Variants in NECTIN3 observed in about 807,000 individuals in gnomAD.
NECTIN3 encodes nectin-3.
NECTIN3 carries 8 observed loss-of-function variants against 49.4 expected under a neutral mutation model. That is an observed-to-expected ratio of 0.16 (90% CI 0.10 to 0.29). The LOEUF (loss-of-function observed/expected upper bound fraction) is 0.29. Among genes scored for constraint, NECTIN3 ranks in the 10% least tolerant of loss-of-function variants. The pLI is 1.00. For synonymous variants in NECTIN3, 277 were observed against 241.1 expected (o/e 1.15, Z -1.38); for missense variants, 581 against 654.6 (o/e 0.89, Z 1.23).
At chr3:111,184,011 T>A (rs2035674511) in intron 7 of NECTIN3, among the ~76,000 whole-genome samples, 1 of 152,178 alleles carries the variant, frequency 6.6e-6, no homozygotes, top group Admixed American at 6.5e-5. Flanking sequence ...ATCTCACAGA[T>A]TACTAAGACT....
At chr3:111,186,375 G>A (rs1041558599) in intron 7 of NECTIN3, among the ~76,000 whole-genome samples, 1 of 151,996 alleles carries the variant, frequency 6.6e-6, no homozygotes, top group African/African-American at 2.4e-5. Flanking sequence ...AGACCAATAC[G>A]ACAGAATGGA....
chr3:111,142,174 T>C (rs748745993), downstream of NECTIN3, among the ~76,000 whole-genome samples: 1 of 151,924 alleles, frequency 6.6e-6, no homozygotes, highest in Non-Finnish European at 1.5e-5. Context: ...CCTTAAATTA[T>C]TAACACCTTA....
upstream of NECTIN3, among the ~76,000 whole-genome samples, chr3:111,187,617 G>T (rs1361342502): frequency 6.6e-6 from 1 of 152,154 alleles, no homozygotes; most frequent in African/African-American, 2.4e-5. Flanking sequence ...ATTATTTAGT[G>T]CTAAAAAGGA....
At chr3:111,122,328 G>C in intron 4 of NECTIN3, 90 bp downstream of exon 4, 1 of 921,186 alleles carries the variant, frequency 1.1e-6, no homozygotes, top group Middle Eastern at 2.3e-4. Flanking sequence ...TATAATACAT[G>C]ATTATAGTAA....
intron 2 of NECTIN3, among the ~76,000 whole-genome samples, chr3:111,116,595 T>G (rs1037873447): frequency 1.3e-5 from 2 of 152,046 alleles, no homozygotes; most frequent in African/African-American, 4.8e-5. Flanking sequence ...ATTTAAGGAA[T>G]GTAGTATTTG....
At chr3:111,162,696 T>C (rs953637098) in intron 7 of NECTIN3, among the ~76,000 whole-genome samples, 1 of 152,202 alleles carries the variant, frequency 6.6e-6, no homozygotes, top group Non-Finnish European at 1.5e-5. Flanking sequence ...TTGTTAAACT[T>C]TCCCCTACCA....
chr3:111,193,688 T>G (rs1485902143), intron 1 of NECTIN3: 2 of 297,282 alleles, frequency 6.7e-6, no homozygotes, highest in Non-Finnish European at 1.3e-5. Flanking sequence ...CTGTGATAAC[T>G]GCAGTGATTC....
intron 1 of NECTIN3, among the ~76,000 whole-genome samples, chr3:111,103,029 C>A (rs1330665352): frequency 6.6e-6 from 1 of 152,070 alleles, no homozygotes; most frequent in Non-Finnish European, 1.5e-5. Context: ...TTAGCCAATA[C>A]CACGTGGTCT....
chr3:111,072,038 G>C lies in NECTIN3; in HGVS notation c.21G>C (p.Pro7=). 1 of 1,536,670 alleles carries C rather than the reference G, an allele frequency of 6.5e-7. No homozygotes were observed. Among genetic ancestry groups the C allele is most frequent in the East Asian group, 2.5e-5 (1 of 39,814 alleles). ...GGGGGATGGCGCGGACCCTGCGGCCGTCCCCGCTGTGTCCTGGAGGCGGCA... is the reference window on the plus strand; with the variant it reads ...GGGGGATGGCGCGGACCCTGCGGCCCTCCCCGCTGTGTCCTGGAGGCGGCA... The part of the protein sequence containing the change: MARTLR[P]SPLCPGGGKA... The change falls in exon 1 of 6, where the codon CCG becomes CCC. Residue 7 remains proline (P), a synonymous_variant. Transcript: ENST00000485303.
intron 1 of NECTIN3, among the ~76,000 whole-genome samples, chr3:111,089,184 A>G (rs2032107108): frequency 6.6e-6 from 1 of 151,542 alleles, no homozygotes; most frequent in Admixed American, 6.6e-5. Flanking sequence ...GCCTTTTCTC[A>G]TTTTCTGGAT....
In NECTIN3 at chr3:111,158,685, A is replaced by G. The variant is rs902545289; in HGVS notation, c.1221+11201A>G. 2.0e-5 allele frequency among the ~76,000 whole-genome samples: 3 copies of G among 152,280 alleles called. No individual in the cohort carries two copies. The South Asian group carries it at 6.2e-4, about 32-fold the overall frequency. ...TGTTAAACCATGTGTGCATGTTCACACACAAACACACACACACAAATTAAT... is the reference window on the plus strand; with the variant it reads ...TGTTAAACCATGTGTGCATGTTCACGCACAAACACACACACACAAATTAAT... On this transcript the variant is annotated intron_variant, in intron 7 of 8. Coordinates refer to the NECTIN3 transcript ENST00000493615.
intron 7 of NECTIN3, among the ~76,000 whole-genome samples, chr3:111,165,564 C>T (rs572836466): frequency 6.6e-4 from 100 of 152,182 alleles, no homozygotes; most frequent in Non-Finnish European, 1.2e-3. Flanking sequence ...CCCATACTGC[C>T]GGAGTACGGT....
chr3:111,072,592 C>A lies in NECTIN3; in HGVS notation c.160+415C>A, dbSNP rs955348322. On this transcript the variant is annotated intron_variant, in intron 1 of 5. Coordinates refer to ENST00000485303, the MANE Select transcript of NECTIN3 (RefSeq NM_015480.3). ...CTGTGAGCCCAGAAACCCTAGGGAC[C>A]GGAGCCCGATGGAATGAAGCCTCCG... The A allele has an allele frequency of 3.3e-6, 5 of 1,533,244 alleles. No individual in the cohort carries two copies. In the African/African-American group the frequency reaches 6.9e-5, roughly 21 times the overall value. The allele number at this position is 1,533,244 out of a possible 1,614,324, so 95.0% of individuals were successfully genotyped here. A position where few individuals can be genotyped will look rare whatever the true frequency, so the allele number is the denominator to read the frequency against.
chr3:111,135,822 A>G lies in NECTIN3; in HGVS notation c.*1607A>G. 2 of 931,992 alleles carry G rather than the reference A, an allele frequency of 2.1e-6. No homozygotes were observed. Among genetic ancestry groups the G allele is most frequent in the Middle Eastern group, 5.5e-4 (1 of 1,820 alleles). The allele number at this position is 931,992 out of a possible 1,614,324, so 57.7% of individuals were successfully genotyped here. A position where few individuals can be genotyped will look rare whatever the true frequency, so the allele number is the denominator to read the frequency against. On this transcript the variant is annotated 3_prime_UTR_variant, in exon 6 of 6. Transcript: ENST00000485303. The stretch of plus-strand genomic sequence containing the variant: ...GAAGGATTATAAACTAGTTTTCTTC[A>G]TTTTAACTAGCACTATTTTGTGGAA...
chr3:111,109,446 A>G (rs1018943023), intron 1 of NECTIN3, among the ~76,000 whole-genome samples: 1 of 152,136 alleles, frequency 6.6e-6, no homozygotes, highest in African/African-American at 2.4e-5. Flanking sequence ...AAATATACAG[A>G]AAGTTTTGTC....
chr3:111,103,855 T>C (rs998248109), intron 1 of NECTIN3, among the ~76,000 whole-genome samples: 7 of 152,186 alleles, frequency 4.6e-5, no homozygotes, highest in African/African-American at 1.4e-4. Flanking sequence ...CCCCTTTGTA[T>C]TGCTGACTAA....
rs1178614252 is a variant in NECTIN3, at chr3:111,072,062, C to G, written c.45C>G (p.Gly15=). ...LRPSPLCPGG[G]KAQLSSASLL... ...CGTCCCCGCTGTGTCCTGGAGGCGG[C>G]AAAGCACAACTTTCCTCCGCTTCTC... The change falls in exon 1 of 6, where the codon GGC becomes GGG. Residue 15 remains glycine, a synonymous_variant. Coordinates refer to ENST00000485303, the MANE Select transcript of NECTIN3 (RefSeq NM_015480.3). 5 of 1,548,224 alleles carry G rather than the reference C, an allele frequency of 3.2e-6. No individual in the cohort carries two copies. The highest frequency in any genetic ancestry group is 2.4e-5 in the South Asian group (2 of 83,734).
chr3:111,113,764 A>G (rs1224219490), intron 2 of NECTIN3, among the ~76,000 whole-genome samples: 1 of 152,138 alleles, frequency 6.6e-6, no homozygotes, highest in Non-Finnish European at 1.5e-5. Context: ...CAGATGGATC[A>G]CTTGAGGCCA....
intron 7 of NECTIN3, among the ~76,000 whole-genome samples, chr3:111,161,014 A>G (rs941098759): frequency 6.6e-6 from 1 of 152,240 alleles, no homozygotes; most frequent in African/African-American, 2.4e-5. Context: ...CTCAAAAAAA[A>G]TGGATCGAGT....
Sources: allele counts gnomAD v4.1 joint callset (sites outside exome capture counted in the v4.1 genomes callset), GRCh38; gene constraint gnomAD v4.1.1; transcripts MANE v1.5; gene names NCBI Gene and HGNC (gene_info 2026-07-23, HGNC 2026-07-21).